The following MGAT4C variants were observed in gnomAD, a reference collection of about 807,000 sequenced individuals.
MGAT4C encodes the protein MGAT4 family member C.
In MGAT4C, 19 loss-of-function variants were observed where a neutral mutation model predicts 40.1. The ratio of observed to expected loss-of-function variants is 0.47; its 90% CI spans 0.33 to 0.70. MGAT4C has a LOEUF of 0.70. Ranked by LOEUF, MGAT4C falls within the 30% of genes least tolerant of loss-of-function variation. MGAT4C has a pLI of 0.02. For synonymous variants in MGAT4C, 181 were observed against 187.1 expected, an observed-to-expected ratio of 0.97 and a Z score of 0.27; for missense variants, 491 against 563.2, an observed-to-expected ratio of 0.87 and a Z score of 1.30.
intron 2 of MGAT4C, among the ~76,000 whole-genome samples, chr12:86,722,737 G>A (rs1950757201): frequency 6.6e-6 from 1 of 152,102 alleles, no homozygotes; most frequent in African/African-American, 2.4e-5. Context: ...TTCCCTCAGA[G>A]TAGCAAATAA....
chr12:86,717,019 G>T (rs960139081), intron 2 of MGAT4C, among the ~76,000 whole-genome samples: 8 of 152,004 alleles, frequency 5.3e-5, no homozygotes, highest in African/African-American at 1.9e-4. Flanking sequence ...ACCCAATCAT[G>T]GTTTCTCATG....
intron 2 of MGAT4C, among the ~76,000 whole-genome samples, chr12:86,007,272 G>A (rs1887981213): frequency 6.6e-6 from 1 of 152,056 alleles, no homozygotes; most frequent in Non-Finnish European, 1.5e-5. Context: ...ATCCTGAAAT[G>A]GGGCTTTATT....
intron 4 of MGAT4C, among the ~76,000 whole-genome samples, chr12:86,321,240 T>A (rs1056420044): frequency 6.6e-6 from 1 of 152,152 alleles, no homozygotes; most frequent in Non-Finnish European, 1.5e-5. Flanking sequence ...AGACATGATG[T>A]GAGAATTCTT....
intron 1 of MGAT4C, among the ~76,000 whole-genome samples, chr12:86,090,338 C>T (rs1000872180): frequency 6.6e-6 from 1 of 151,648 alleles, no homozygotes; most frequent in Non-Finnish European, 1.5e-5. Context: ...ATTTCTCATA[C>T]TCAGTGTATT....
At chr12:86,556,833 A>G (rs373452607) in intron 2 of MGAT4C, among the ~76,000 whole-genome samples, 260 of 152,302 alleles carry the variant, frequency 1.7e-3, no homozygotes, top group African/African-American at 5.9e-3. Flanking sequence ...CTGCAGAAAA[A>G]TAAGTAAAGC....
At chr12:86,135,847 C>G (rs1881869358) in intron 1 of MGAT4C, among the ~76,000 whole-genome samples, 1 of 152,112 alleles carries the variant, frequency 6.6e-6, no homozygotes, top group African/African-American at 2.4e-5. Flanking sequence ...TAATTCCAAA[C>G]ACATTATTGC....
At position 85,964,714 on chromosome 12, in the gene MGAT4C, C is replaced by A. The variant is rs1883267744; in HGVS notation, c.*14575G>T. 6.6e-6 allele frequency: 1 copy of A among 152,144 alleles called. No homozygotes were observed. The highest frequency in any genetic ancestry group is 2.1e-4 in the South Asian group (1 of 4,836). 9.4% of individuals were successfully genotyped at this position (152,144 alleles called of 1,614,324 possible). A position where few individuals can be genotyped will look rare whatever the true frequency, so the allele number is the denominator to read the frequency against. On this transcript the variant is annotated 3_prime_UTR_variant, in exon 5 of 5. Coordinates refer to ENST00000611864, the MANE Select transcript of MGAT4C (RefSeq NM_001351288.2). ...TTTAAGTTTTTCTCGGCTGTTTCCT[C>A]TGACAGTTCTGTGGTAAAGAAGAAA...
intron 2 of MGAT4C, among the ~76,000 whole-genome samples, chr12:86,554,141 C>T (rs936527686): frequency 2.0e-5 from 3 of 151,046 alleles, no homozygotes; most frequent in African/African-American, 7.4e-5. Context: ...CATACACACA[C>T]ACACACACAC....
Position 86,545,485 on chromosome 12 carries a change from C to T in MGAT4C, c.-228-110220G>A, listed in dbSNP as rs74740037. On this transcript the variant is annotated intron_variant, in intron 2 of 7. Transcript: ENST00000548651. ...CAGGCTATGTCTCTTCTAAATATAG[C>T]ACATATTTGATATTACATCTCGTTG... Among the ~76,000 whole-genome samples the T allele has an allele frequency of 0.02, 2,967 of 151,682 alleles. 204 individuals are homozygous for T. The East Asian group carries it at 0.24, about 12-fold the overall frequency.
chr12:86,389,730 G>C (rs981812673), intron 3 of MGAT4C, among the ~76,000 whole-genome samples: 2 of 152,112 alleles, frequency 1.3e-5, no homozygotes, highest in African/African-American at 2.4e-5. Flanking sequence ...AAATTATTAT[G>C]TTTTACAGTA....
intron 2 of MGAT4C, among the ~76,000 whole-genome samples, chr12:86,018,476 G>C (rs927756739): frequency 6.6e-6 from 1 of 152,018 alleles, no homozygotes; most frequent in Admixed American, 6.6e-5. Context: ...TGTCCAATTT[G>C]TTTTTTTACT....
intron 2 of MGAT4C, among the ~76,000 whole-genome samples, chr12:86,631,777 T>C (rs1043160140): frequency 2.0e-5 from 3 of 152,042 alleles, no homozygotes; most frequent in Admixed American, 6.6e-5. Context: ...AAGACTTAAA[T>C]GTTAGACCTA....
At chr12:86,681,713 T>C (rs1212679431) in intron 2 of MGAT4C, among the ~76,000 whole-genome samples, 1 of 152,044 alleles carries the variant, frequency 6.6e-6, no homozygotes, top group Non-Finnish European at 1.5e-5. Context: ...TTACAGTTTG[T>C]TTTTATTATA....
Position 86,814,313 on chromosome 12 carries a change from CGTATATATACATATACGT to C in MGAT4C, c.-262+24335_-262+24352del, listed in dbSNP as rs1566009111. Among the ~76,000 whole-genome samples, 10 of 1,602 alleles carry C rather than the reference CGTATATATACATATACGT, an allele frequency of 6.2e-3. 2 individuals are homozygous for C. Among genetic ancestry groups the C allele is most frequent in the Non-Finnish European group, 9.5e-3 (10 of 1,052 alleles). 1.1% of individuals were successfully genotyped at this position (1,602 alleles called of 152,430 possible). A position where few individuals can be genotyped will look rare whatever the true frequency, so the allele number is the denominator to read the frequency against. The stretch of plus-strand genomic sequence containing the variant: ...ATATATACATATACGTATATATATA[CGTATATATACATATACGT>C]ATATATATACATATATATACATATA... On this transcript the variant is annotated intron_variant, in intron 1 of 7. Transcript: ENST00000548651.
At chr12:86,258,043 GA>G (rs1423452189), upstream of MGAT4C, among the ~76,000 whole-genome samples, 2 of 151,898 alleles carry the variant, frequency 1.3e-5, no homozygotes, top group Non-Finnish European at 2.9e-5. Context: ...TCGTTGTTAT[GA>G]AAACAATCAA....
At chr12:86,467,718 G>A (rs1422374283) in intron 2 of MGAT4C, among the ~76,000 whole-genome samples, 2 of 152,004 alleles carry the variant, frequency 1.3e-5, no homozygotes, top group Admixed American at 1.3e-4. Flanking sequence ...GTTTAAATGA[G>A]CTTTCTCTGA....
At chr12:86,226,998 C>A (rs917110810) in intron 1 of MGAT4C, among the ~76,000 whole-genome samples, 1 of 151,870 alleles carries the variant, frequency 6.6e-6, no homozygotes, top group Non-Finnish European at 1.5e-5. Flanking sequence ...ACTCTTTAAA[C>A]TCCTTTCAGT....
intron 1 of MGAT4C, among the ~76,000 whole-genome samples, chr12:86,793,372 CT>C (rs1404703996): frequency 6.6e-6 from 1 of 152,082 alleles, no homozygotes; most frequent in Non-Finnish European, 1.5e-5. Context: ...CCTCTCTACT[CT>C]TTCTAAACAT....
chr12:86,633,069 G>A (rs1963113015), intron 2 of MGAT4C, among the ~76,000 whole-genome samples: 1 of 151,436 alleles, frequency 6.6e-6, no homozygotes, highest in Non-Finnish European at 1.5e-5. Context: ...ATATTTGAAG[G>A]GATAATGTGT....
Sources: gnomAD v4.1 joint callset for allele counts (sites outside exome capture counted in the v4.1 genomes callset) on GRCh38, gnomAD v4.1.1 for gene constraint, MANE v1.5 for transcripts, NCBI Gene and HGNC (gene_info 2026-07-23, HGNC 2026-07-21) for gene names.